MICAL3: variants seen among roughly 807,000 people sequenced by gnomAD.
MICAL3 encodes the protein microtubule associated monooxygenase, calponin and LIM domain containing 3.
A neutral mutation model predicts 207.4 loss-of-function variants in MICAL3; 62 were observed. The observed-to-expected ratio is 0.30, with a 90% CI of 0.24 to 0.37. The LOEUF (loss-of-function observed/expected upper bound fraction) is 0.37. Ranked by LOEUF, MICAL3 falls within the 10% of genes least tolerant of loss-of-function variation. The pLI, the probability that MICAL3 is intolerant of heterozygous loss-of-function variation, is 1.00. For synonymous variants in MICAL3, 1,077 were observed against 1,069.3 expected (o/e 1.01, Z -0.14); for missense variants, 2,368 against 2,635.6 (o/e 0.90, Z 2.22).
intron 28 of MICAL3, among the ~76,000 whole-genome samples, chr22:17,810,052 C>CAAT (rs2062027255): frequency 8.0e-6 from 1 of 124,964 alleles, no homozygotes; most frequent in African/African-American, 3.4e-5. Flanking sequence ...CTATGCCTGG[C>CAAT]TATTTTTTTT....
intron 1 of MICAL3, among the ~76,000 whole-genome samples, chr22:17,969,446 C>T (rs985283099): frequency 4.6e-5 from 7 of 152,186 alleles, no homozygotes; most frequent in Admixed American, 2.6e-4. Context: ...GGTCTGGAGC[C>T]GACAGGCGTT....
At chr22:17,816,919 C>T (rs1921053214) in intron 26 of MICAL3, 135 bp from the exon 27 acceptor site, 2 of 717,890 alleles carry the variant, frequency 2.8e-6, no homozygotes, top group Admixed American at 2.4e-5. Flanking sequence ...GATCCATCCC[C>T]CATCCTGGGG....
At chr22:17,995,255 C>T (rs995965799) in intron 1 of MICAL3, among the ~76,000 whole-genome samples, 6 of 152,160 alleles carry the variant, frequency 3.9e-5, no homozygotes, top group African/African-American at 1.2e-4. Flanking sequence ...TAGCTCACTG[C>T]AGCCTCAAAC....
chr22:17,960,098 A>G (rs1268153466), intron 1 of MICAL3, among the ~76,000 whole-genome samples: 1 of 152,200 alleles, frequency 6.6e-6, no homozygotes, highest in Non-Finnish European at 1.5e-5. Context: ...AAGCAGCACC[A>G]CAGTTCCCGG....
At chr22:17,836,644 G>A (rs1166591226) in intron 20 of MICAL3, among the ~76,000 whole-genome samples, 1 of 150,174 alleles carries the variant, frequency 6.7e-6, no homozygotes, top group Non-Finnish European at 1.5e-5. Context: ...AAGTTCCTGG[G>A]TGGTTTTTTT....
chr22:17,797,329 C>T (rs572060242), intron 29 of MICAL3, among the ~76,000 whole-genome samples: 17 of 152,138 alleles, frequency 1.1e-4, no homozygotes, highest in Non-Finnish European at 2.4e-4. Context: ...AGTGAGACCC[C>T]GTCTCTACAA....
chr22:17,935,588 T>C (rs1338577702), intron 1 of MICAL3, among the ~76,000 whole-genome samples: 1 of 152,096 alleles, frequency 6.6e-6, no homozygotes, highest in African/African-American at 2.4e-5. Context: ...TGGAATCTAA[T>C]TAAACTAAAG....
chr22:17,863,668 G>T (rs775665373), intron 19 of MICAL3: 1 of 985,458 alleles, frequency 1.0e-6, no homozygotes, highest in Non-Finnish European at 1.2e-6. Context: ...GGCTTGGCTG[G>T]GTTCTCATGG....
At chr22:18,018,714 T>C (rs2401498) in intron 1 of MICAL3, among the ~76,000 whole-genome samples, 31,640 of 151,462 alleles carry the variant, frequency 0.21, 3,866 homozygotes, top group East Asian at 0.38. Context: ...AAAGACTCTG[T>C]CTCAAGAAAA....
intron 1 of MICAL3, among the ~76,000 whole-genome samples, chr22:17,936,443 G>A (rs1448379656): frequency 1.3e-5 from 2 of 152,234 alleles, no homozygotes; most frequent in East Asian, 1.9e-4. Context: ...GGGACTAGGG[G>A]AGGGATAGCA....
At chr22:17,926,442 G>A (rs1981938738) in intron 1 of MICAL3, among the ~76,000 whole-genome samples, 1 of 152,218 alleles carries the variant, frequency 6.6e-6, no homozygotes, top group Non-Finnish European at 1.5e-5. Flanking sequence ...TCTAAGTAAA[G>A]AGGATGCTCA....
At chr22:17,938,909 T>C (rs1257511906) in intron 1 of MICAL3, among the ~76,000 whole-genome samples, 1 of 152,176 alleles carries the variant, frequency 6.6e-6, no homozygotes, top group African/African-American at 2.4e-5. Flanking sequence ...CTGGCTACCA[T>C]GTACAGTATA....
chr22:17,806,908 G>A (rs186746298), intron 29 of MICAL3, among the ~76,000 whole-genome samples: 25 of 152,322 alleles, frequency 1.6e-4, no homozygotes, highest in African/African-American at 5.5e-4. Flanking sequence ...TTTGGCAGAA[G>A]CTTGAATAAC....
At chr22:17,933,713 T>C (rs985925303) in intron 1 of MICAL3, among the ~76,000 whole-genome samples, 5 of 152,000 alleles carry the variant, frequency 3.3e-5, no homozygotes, top group Middle Eastern at 3.4e-3. Flanking sequence ...ATCAACAAAA[T>C]TGATAGAGCA....
chr22:17,823,408 G>A (rs1050316685), intron 22 of MICAL3, among the ~76,000 whole-genome samples: 1 of 152,230 alleles, frequency 6.6e-6, no homozygotes, highest in Non-Finnish European at 1.5e-5. Context: ...CCTTGGCCCA[G>A]CAGCATCTGC....
intron 1 of MICAL3, among the ~76,000 whole-genome samples, chr22:18,011,530 T>G (rs1427702593): frequency 6.6e-6 from 1 of 150,908 alleles, no homozygotes; most frequent in Non-Finnish European, 1.5e-5. Flanking sequence ...ATCACGCCAT[T>G]GCACTCCAGC....
chr22:17,818,010 G>C lies in MICAL3; in HGVS notation c.4651C>G (p.Pro1551Ala), dbSNP rs1380967334. 6.2e-7 allele frequency: 1 copy of C among 1,612,292 alleles called. No individual in the cohort carries two copies. Among genetic ancestry groups the C allele is most frequent in the East Asian group, 2.2e-5 (1 of 44,868 alleles). ...GGGTGGCGAGGCTTCTCGGGGCGCG[G>C]CCAGCAGGACGGGGGCGTGAAGAAT... is the stretch of plus-strand genomic sequence containing the variant. ...EKFFTPPSCW[P>A]RPEKPRHPPL... The change falls in exon 26 of 32, where the codon CCG becomes GCG. Residue 1551 changes from proline to alanine, a missense_variant. By Grantham distance (27) the Pro-to-Ala change is conservative. Coordinates refer to ENST00000441493, the MANE Select transcript of MICAL3 (RefSeq NM_015241.3).
At chr22:17,976,559 G>GTA (rs1569154060) in intron 1 of MICAL3, among the ~76,000 whole-genome samples, 7 of 78,804 alleles carry the variant, frequency 8.9e-5, no homozygotes, top group South Asian at 7.3e-4. Flanking sequence ...GTGTGTGTGT[G>GTA]TGTATATATA....
rs368130643 is a variant in MICAL3 at position 17,863,736 on chromosome 22, C to G, written c.2605+1163G>C. ...ATCTTCCCTCTCCCAGAATGAGCAC[C>G]ACAAGGCCTACATGAACCAGCTGTT... On this transcript the variant is annotated intron_variant, in intron 19 of 31. Transcript: ENST00000441493. 3.5e-5 allele frequency: 34 copies of G among 985,338 alleles called. 2 individuals are homozygous for G. Among genetic ancestry groups the G allele is most frequent in the Middle Eastern group, 1.0e-3 (2 of 1,914 alleles). 61.0% of individuals were successfully genotyped at this position (985,338 alleles called of 1,614,324 possible).
Sources: allele counts gnomAD v4.1 joint callset (sites outside exome capture counted in the v4.1 genomes callset), GRCh38; gene constraint gnomAD v4.1.1; transcripts MANE v1.5; gene names NCBI Gene and HGNC (gene_info 2026-07-23, HGNC 2026-07-21).